MYH7B: variants seen among roughly 807,000 people sequenced by gnomAD.
The protein encoded by MYH7B is myosin-7B.
In MYH7B, 205 loss-of-function variants were observed where a neutral mutation model predicts 234.5. That is an observed-to-expected ratio of 0.87 (90% CI 0.78 to 0.98). MYH7B has a LOEUF of 0.98. Among genes scored for constraint, MYH7B ranks in the 50% least tolerant of loss-of-function variants. MYH7B has a pLI of 0.00. For synonymous variants in MYH7B, 1,193 were observed against 1,105.0 expected (o/e 1.08, Z -1.58); for missense variants, 2,652 against 2,633.4 (o/e 1.01, Z -0.15).
chr20:34,979,885 C>A, intron 7 of MYH7B, 81 bp downstream of exon 7: 5 of 1,457,310 alleles, frequency 3.4e-6, no homozygotes, highest in Non-Finnish European at 3.7e-6. Context: ...GGGGCGGGCC[C>A]ATAGCGGTGG....
intron 10 of MYH7B, among the ~76,000 whole-genome samples, chr20:34,983,740 G>A (rs1383699913): frequency 2.0e-5 from 3 of 152,232 alleles, no homozygotes; most frequent in African/African-American, 7.2e-5. Context: ...AGCACTGGAT[G>A]GGAGTGTATT....
chr20:34,989,969 C>T (rs2147205914), intron 20 of MYH7B, 45 bp from the exon 21 acceptor site: 1 of 1,613,240 alleles, frequency 6.2e-7, no homozygotes, highest in South Asian at 1.1e-5. Context: ...TCCCGCCCTG[C>T]TCCAGGTCTC....
rs372059170 is a variant in MYH7B at position 34,986,160 on chromosome 20, A to G, written c.866A>G (p.Tyr289Cys). 2.9e-5 allele frequency: 46 copies of G among 1,599,778 alleles called. No homozygotes were observed. Among genetic ancestry groups the G allele is most frequent in the Non-Finnish European group, 3.8e-5 (45 of 1,172,440 alleles). Residue 289 changes from tyrosine (Y) to cysteine (C), a missense_variant, in exon 14 of 45, where the codon TAC (tyrosine) becomes TGC (cysteine). By Grantham distance (194) the Tyr-to-Cys change is radical (BLOSUM62 -2). Coordinates refer to ENST00000262873, the Ensembl canonical transcript of MYH7B. ...CCTGGTGAGCGCAGCTACCATGTCT[A>G]CTACCAGATCCTCTCAGGGAGGAAG...
At chr20:34,989,641 G>GGGC (rs1403112396) in intron 19 of MYH7B, 99 bp from the exon 20 acceptor site, 1 of 1,222,250 alleles carries the variant, frequency 8.2e-7, no homozygotes, top group Non-Finnish European at 1.1e-6. Flanking sequence ...GGGGATCTGG[G>GGGC]AAGGCTCCCA....
intron 43 of MYH7B, 102 bp from the exon 44 acceptor site, chr20:35,001,846 T>G: frequency 1.3e-6 from 2 of 1,513,116 alleles, no homozygotes; most frequent in Non-Finnish European, 1.8e-6. Flanking sequence ...AGGAACAAAG[T>G]TGAGAACCAG....
chr20:34,990,618 G>A, intron 22 of MYH7B, 120 bp from the exon 23 acceptor site: 1 of 900,818 alleles, frequency 1.1e-6, no homozygotes, highest in Non-Finnish European at 1.8e-6. Flanking sequence ...GAATGAGAGT[G>A]AAAGAGCAAA....
At position 34,995,565 on chromosome 20, in the gene MYH7B, C is replaced by A. The variant is rs765538101; in HGVS notation, c.2930C>A (p.Ala977Asp). ...GCCAAAGCTGAGAAGGAGAAGCAAG[C>A]CACTGAGAACAAGGTGTGGGCCGGG... The change falls in exon 28 of 45, where the codon GCC (alanine) becomes GAC (aspartate). Residue 977 changes from alanine (A) to aspartate (D), a missense_variant. By Grantham distance (126) the Ala-to-Asp change is moderately radical. Around this residue, in one of 3 missense-constraint regions of MYH7B, gnomAD observed 2,279 missense variants for 2,211.4 expected, o/e 1.03. Coordinates refer to ENST00000262873, the Ensembl canonical transcript of MYH7B. 1.9e-6 allele frequency: 3 copies of A among 1,614,046 alleles called. No individual in the cohort carries two copies. In the Middle Eastern group the frequency reaches 4.9e-4, roughly 266 times the overall value.
chr20:34,965,313 A>G (rs2081732388), intron 2 of MYH7B, among the ~76,000 whole-genome samples: 1 of 152,260 alleles, frequency 6.6e-6, no homozygotes, highest in Non-Finnish European at 1.5e-5. Context: ...AACCTGGCTC[A>G]GCCGAATCCA....
Position 34,989,823 on chromosome 20 carries a change from CA to C in MYH7B, c.1673del (p.Asn558ThrfsTer48). 2 of 1,614,214 alleles carry C rather than the reference CA, an allele frequency of 1.2e-6. No homozygotes were observed. Among genetic ancestry groups the C allele is most frequent in the Non-Finnish European group, 1.7e-6 (2 of 1,180,046 alleles). ...CCAGCTTCCGGGCCAAGCTCTACGA[CA>C]ACCACGCGGGGAAGTCACCCAATTT... On this transcript the variant is annotated frameshift_variant, in exon 20 of 45. Transcript: ENST00000262873. LOFTEE classifies it high-confidence loss of function.
chr20:34,984,644 C>T (rs1345101718), intron 10 of MYH7B, 48 bp from the exon 11 acceptor site: 2 of 1,234,296 alleles, frequency 1.6e-6, no homozygotes, highest in Non-Finnish European at 2.3e-6. Flanking sequence ...CCCCGCCCTT[C>T]CCCACCGGAG....
intron 10 of MYH7B, among the ~76,000 whole-genome samples, chr20:34,984,470 G>T (rs1389359952): frequency 6.6e-6 from 1 of 152,138 alleles, no homozygotes; most frequent in East Asian, 1.9e-4. Context: ...GCTGCAGGTG[G>T]AGACTCTGGC....
At chr20:34,991,206 GGTC>G (rs2082142662) in intron 24 of MYH7B, 85 bp downstream of exon 24, 11 of 948,172 alleles carry the variant, frequency 1.2e-5, no homozygotes, top group African/African-American at 1.6e-5. Context: ...CCCAACAGAC[GGTC>G]CCCTGTCTGG....
exon 32 of MYH7B, chr20:34,997,394 G>T: frequency 6.7e-7 from 1 of 1,491,424 alleles, no homozygotes; most frequent in Non-Finnish European, 8.8e-7. Context: ...CCGCGGGGCA[G>T]CGCGAGGGCT....
At chr20:35,000,539 G>A in exon 39 of MYH7B, 2 of 1,585,866 alleles carry the variant, frequency 1.3e-6, no homozygotes, top group Non-Finnish European at 8.5e-7. Flanking sequence ...AGCTCCACGA[G>A]CAGGCGCAGG....
chr20:34,986,022 C>A (rs1471210421), intron 13 of MYH7B, 78 bp from the exon 14 acceptor site: 2 of 1,267,982 alleles, frequency 1.6e-6, no homozygotes, highest in Non-Finnish European at 2.2e-6. Context: ...GCCCACCTCT[C>A]TCCCTCCGCA....
chr20:34,977,945 T>C (rs2081882614), exon 5 of MYH7B: 3 of 1,613,638 alleles, frequency 1.9e-6, no homozygotes. Context: ...GCCTGCTGCC[T>C]TGGGCCGCCT....
chr20:34,997,040 G>A (rs2082273476), intron 30 of MYH7B, 43 bp from the exon 31 acceptor site: 2 of 1,470,464 alleles, frequency 1.4e-6, no homozygotes, highest in Middle Eastern at 4.7e-4. Context: ...GCGGGTGGGT[G>A]GGAGTTAAGG....
At chr20:34,998,910 G>A in exon 35 of MYH7B, 3 of 1,611,668 alleles carry the variant, frequency 1.9e-6, no homozygotes, top group Non-Finnish European at 2.5e-6. Flanking sequence ...AGCTGGAGGA[G>A]GCCAAGTGAG....
chr20:34,986,025 C>T (rs2082015566), intron 13 of MYH7B, 75 bp from the exon 14 acceptor site: 6 of 1,299,220 alleles, frequency 4.6e-6, no homozygotes, highest in Non-Finnish European at 6.5e-6. Flanking sequence ...CACCTCTCTC[C>T]CTCCGCATCG....
Sources: allele counts gnomAD v4.1 joint callset (sites outside exome capture counted in the v4.1 genomes callset), GRCh38; gene constraint gnomAD v4.1.1; regional missense constraint gnomAD v4.1.1; transcripts MANE v1.5; gene names NCBI Gene and HGNC (gene_info 2026-07-23, HGNC 2026-07-21).